The following ZNF831 variants were observed in gnomAD, a reference collection of about 807,000 sequenced individuals.
ZNF831 encodes the protein zinc finger protein 831.
In ZNF831, 59 loss-of-function variants were observed where a neutral mutation model predicts 95.8. That is an observed-to-expected ratio of 0.62 (90% CI 0.50 to 0.77). ZNF831 has a LOEUF of 0.77. Among genes scored for constraint, ZNF831 ranks in the 30% least tolerant of loss-of-function variants. The pLI is 0.00. For missense variants in ZNF831, 2,205 were observed against 2,164.0 expected (o/e 1.02, Z -0.38); for synonymous variants, 961 against 925.5 (o/e 1.04, Z -0.70).
intron 1 of ZNF831, among the ~76,000 whole-genome samples, chr20:59,182,475 C>A (rs1383581840): frequency 6.6e-6 from 1 of 152,118 alleles, no homozygotes; most frequent in African/African-American, 2.4e-5. Context: ...AACCAGAACT[C>A]AAACCCAGGC....
chr20:59,135,304 G>T (rs1002382332), intron 1 of ZNF831, among the ~76,000 whole-genome samples: 11 of 152,218 alleles, frequency 7.2e-5, no homozygotes, highest in Non-Finnish European at 1.3e-4. Context: ...GAAGTTGGCA[G>T]AGCTGGGTGT....
At chr20:59,235,848 T>C (rs922499356) in intron 4 of ZNF831, among the ~76,000 whole-genome samples, 1 of 152,218 alleles carries the variant, frequency 6.6e-6, no homozygotes, top group African/African-American at 2.4e-5. Flanking sequence ...GTGAAGCACA[T>C]GGCAGATTCT....
At chr20:59,151,502 A>G (rs1267921992) in intron 2 of ZNF831, among the ~76,000 whole-genome samples, 1 of 152,142 alleles carries the variant, frequency 6.6e-6, no homozygotes, top group Non-Finnish European at 1.5e-5. Context: ...TGTTGCCCTG[A>G]CTTGACAGAT....
At position 59,191,424 on chromosome 20, in the gene ZNF831, A is replaced by C; in HGVS notation, c.405A>C (p.Pro135=). The part of the protein sequence containing the change: ...SPGLGPTLGS[P]GKVRNAGKYL... ...GCCTGGGCCCCACGCTGGGCAGCCC[A>C]GGCAAGGTGCGGAATGCGGGCAAGT... Residue 135 remains proline (P), a synonymous_variant, in exon 2 of 6, where the codon CCA becomes CCC. Coordinates refer to ENST00000371030, the MANE Select transcript of ZNF831 (RefSeq NM_178457.3). The C allele has an allele frequency of 6.2e-7, 1 of 1,612,226 alleles. No individual in the cohort carries two copies. The highest frequency in any genetic ancestry group is 8.5e-7 in the Non-Finnish European group (1 of 1,179,628).
At position 59,193,080 on chromosome 20, in the gene ZNF831, G is replaced by T. The variant is rs1252448918; in HGVS notation, c.2061G>T (p.Gly687=). 3.8e-6 allele frequency: 6 copies of T among 1,596,374 alleles called. No homozygotes were observed. The highest frequency in any genetic ancestry group is 5.1e-6 in the Non-Finnish European group (6 of 1,171,380). The change falls in exon 2 of 6, where the codon GGG becomes GGT. Residue 687 remains glycine (G), a synonymous_variant. Transcript: ENST00000371030. The stretch of plus-strand genomic sequence containing the variant: ...CTGTCCATGAGGACATATCCGCAGG[G>T]GCAACGCCAGAGCCTTGGGGAAATC... ...RTPVHEDISA[G]ATPEPWGNPP...
At chr20:59,196,275 G>T (rs1984099616) in intron 3 of ZNF831, among the ~76,000 whole-genome samples, 1 of 152,200 alleles carries the variant, frequency 6.6e-6, no homozygotes, top group South Asian at 2.1e-4. Flanking sequence ...GGAAGAGAGA[G>T]AGCCTGTTAA....
At chr20:59,213,354 T>C (rs1025690141) in intron 4 of ZNF831, among the ~76,000 whole-genome samples, 1 of 152,220 alleles carries the variant, frequency 6.6e-6, no homozygotes, top group African/African-American at 2.4e-5. Context: ...TTTTGTCGTT[T>C]TTCCAGATAA....
In ZNF831 at chr20:59,191,143, C is replaced by T. The variant is rs2146543231; in HGVS notation, c.124C>T (p.Leu42=). The T allele has an allele frequency of 6.2e-7, 1 of 1,601,058 alleles. No individual in the cohort carries two copies. Among genetic ancestry groups the T allele is most frequent in the Middle Eastern group, 1.7e-4 (1 of 6,040 alleles). Reference sequence around the variant, plus strand: ...TCACCTGACCCTGGGCCCTGTCCTTCTGCCGCCAGAGCAGGGCCTGGCCCC... The same window carrying T: ...TCACCTGACCCTGGGCCCTGTCCTTTTGCCGCCAGAGCAGGGCCTGGCCCC... ...SPHLTLGPVL[L]PPEQGLAPPT... is the part of the protein sequence containing the mutation. The change falls in exon 2 of 6, where the codon CTG becomes TTG. Residue 42 remains leucine, a synonymous_variant. Transcript: ENST00000371030.
intron 3 of ZNF831, among the ~76,000 whole-genome samples, chr20:59,205,198 G>A (rs894013264): frequency 6.6e-6 from 1 of 152,158 alleles, no homozygotes; most frequent in Non-Finnish European, 1.5e-5. Context: ...AGCAGCAGGT[G>A]GAAGAAGAAT....
chr20:59,143,220 C>T (rs1050355091), intron 1 of ZNF831, among the ~76,000 whole-genome samples: 101 of 152,120 alleles, frequency 6.6e-4, no homozygotes, highest in African/African-American at 2.3e-3. Flanking sequence ...TTTTATTTGC[C>T]ATTTTGCTCC....
intron 4 of ZNF831, among the ~76,000 whole-genome samples, chr20:59,236,536 C>T (rs1366376698): frequency 6.6e-6 from 1 of 150,428 alleles, no homozygotes; most frequent in Non-Finnish European, 1.5e-5. Context: ...TAGGCATGCA[C>T]CACCACGCTT....
At chr20:59,123,510 G>A (rs1979069422) in intron 1 of ZNF831, 1 of 152,248 alleles carries the variant, frequency 6.6e-6, no homozygotes, top group Non-Finnish European at 1.5e-5. Context: ...GATGAGGTAG[G>A]GGTTGACCCA....
chr20:59,210,110 A>G (rs940738497), intron 4 of ZNF831, among the ~76,000 whole-genome samples: 2 of 152,226 alleles, frequency 1.3e-5, no homozygotes, highest in South Asian at 2.1e-4. Context: ...TTTGTAAACA[A>G]AAAAGGCAGG....
rs2146547072 is a variant in ZNF831 at position 59,191,389 on chromosome 20, C to T, written c.370C>T (p.Leu124=). Reference sequence around the variant, plus strand: ...GAACATCGTGGGCACTCTGCCTGTCCTGTCGCCGGGCCTGGGCCCCACGCT... The same window carrying T: ...GAACATCGTGGGCACTCTGCCTGTCTTGTCGCCGGGCCTGGGCCCCACGCT... ...TVNIVGTLPV[L]SPGLGPTLGS... The change falls in exon 2 of 6, where the codon CTG becomes TTG. Residue 124 remains leucine (L), a synonymous_variant. Coordinates refer to ENST00000371030, the MANE Select transcript of ZNF831 (RefSeq NM_178457.3). 1.9e-6 allele frequency: 3 copies of T among 1,609,730 alleles called. No individual in the cohort carries two copies. Among genetic ancestry groups the T allele is most frequent in the Non-Finnish European group, 2.5e-6 (3 of 1,178,194 alleles).
chr20:59,151,071 G>A (rs1389846220), intron 2 of ZNF831, among the ~76,000 whole-genome samples: 1 of 152,214 alleles, frequency 6.6e-6, no homozygotes. Context: ...CGGGCTGATA[G>A]CGGCTGGGTC....
chr20:59,220,935 T>C (rs1041298926), intron 4 of ZNF831, among the ~76,000 whole-genome samples: 32 of 152,338 alleles, frequency 2.1e-4, no homozygotes, highest in African/African-American at 7.5e-4. Flanking sequence ...TCTCAGGTCC[T>C]CATCTGTAGA....
chr20:59,232,616 G>C (rs1022446200), intron 4 of ZNF831, among the ~76,000 whole-genome samples: 2 of 152,054 alleles, frequency 1.3e-5, no homozygotes, highest in African/African-American at 4.8e-5. Flanking sequence ...TTTTGAAGTG[G>C]AAAAATAGTC....
rs547288915 is a variant in ZNF831, at chr20:59,195,881, A to G, written c.3751A>G (p.Thr1251Ala). ...TTGGTGTTTTCAGTTCTCCTACCCA[A>G]CAGTCCCAGGGGTGATGCCCCAGCA... ...PAQMSKFSYP[T>A]VPGVMPQHQV... Residue 1251 changes from threonine to alanine, a missense_variant, in exon 3 of 6, where the codon ACA becomes GCA. Physicochemically the swap from Thr to Ala is moderately conservative, Grantham distance 58. Coordinates refer to ENST00000371030, the MANE Select transcript of ZNF831 (RefSeq NM_178457.3). 17 of 1,613,230 alleles carry G rather than the reference A, an allele frequency of 1.1e-5. 1 individual carries two copies. The South Asian group carries it at 1.7e-4, about 16-fold the overall frequency.
At chr20:59,168,690 G>C (rs554352313) in intron 1 of ZNF831, among the ~76,000 whole-genome samples, 182 of 152,086 alleles carry the variant, frequency 1.2e-3, no homozygotes, top group African/African-American at 4.1e-3. Context: ...AAAACATTCA[G>C]TTTTTCACCG....
Sources: gnomAD v4.1 joint callset for allele counts (sites outside exome capture counted in the v4.1 genomes callset) on GRCh38, gnomAD v4.1.1 for gene constraint, MANE v1.5 for transcripts, NCBI Gene and HGNC (gene_info 2026-07-23, HGNC 2026-07-21) for gene names.